CELF2: variants seen among roughly 807,000 people sequenced by gnomAD.
The protein encoded by CELF2 is CUGBP Elav-like family member 2, also known as CUG triplet repeat RNA-binding protein 2.
In CELF2, 8 loss-of-function variants were observed where a neutral mutation model predicts 62.6. The observed-to-expected ratio is 0.13, with a 90% CI of 0.07 to 0.23. The LOEUF is 0.23. Ranked by LOEUF, CELF2 falls within the 10% of genes least tolerant of loss-of-function variation. The pLI, the probability that CELF2 is intolerant of heterozygous loss-of-function variation, is 1.00. For synonymous variants in CELF2, 258 were observed against 250.0 expected, an observed-to-expected ratio of 1.03 and a Z score of -0.30; for missense variants, 333 against 671.0, an observed-to-expected ratio of 0.50 and a Z score of 5.56.
intron 2 of CELF2, chr10:10,960,154 C>G (rs1416351405): frequency 6.6e-6 from 1 of 152,248 alleles, no homozygotes; most frequent in Non-Finnish European, 1.5e-5. Context: ...CAACAGGCAT[C>G]CGCTCATTAC....
In CELF2 at chr10:11,329,279, A is replaced by G. The variant is rs1378180151; in HGVS notation, c.*226A>G. 3 of 346,220 alleles carry G rather than the reference A, an allele frequency of 8.7e-6. No homozygotes were observed. Among genetic ancestry groups the G allele is most frequent in the African/African-American group, 2.1e-5 (1 of 47,354 alleles). The allele number at this position is 346,220 out of a possible 1,614,324, so 21.4% of individuals were successfully genotyped here. A position where few individuals can be genotyped will look rare whatever the true frequency, so the allele number is the denominator to read the frequency against. ...GTTTCTATTGAGTAATTCCTCCTCC[A>G]GTTGTGCCACTGTATTCTCCTTTGT... On this transcript the variant is annotated 3_prime_UTR_variant, in exon 13 of 13. Transcript: ENST00000633077. This position sits in a 1 kb window ranked among gnomAD's most constrained non-coding sequence, Gnocchi z 5.5.
At chr10:10,837,227 T>C (rs1372935479) in intron 1 of CELF2, among the ~76,000 whole-genome samples, 1 of 152,208 alleles carries the variant, frequency 6.6e-6, no homozygotes, top group Non-Finnish European at 1.5e-5. Context: ...CATATTGTTC[T>C]GGAGGATTGT....
At chr10:11,202,742 C>T (rs535616367) in intron 2 of CELF2, among the ~76,000 whole-genome samples, 1 of 152,194 alleles carries the variant, frequency 6.6e-6, no homozygotes, top group East Asian at 1.9e-4. Context: ...CAGTGAGACC[C>T]TTAGTGGTGG....
At chr10:10,477,034 T>C in the CELF2 span, among the ~76,000 whole-genome samples, 4 of 152,204 alleles carry the variant, frequency 2.6e-5, no homozygotes, top group East Asian at 7.7e-4. Flanking sequence ...AAGATATTAT[T>C]TCTTTATTTC....
chr10:11,066,060 G>C (rs1056785071), intron 1 of CELF2, among the ~76,000 whole-genome samples: 3 of 152,118 alleles, frequency 2.0e-5, no homozygotes, highest in Admixed American at 6.5e-5. Context: ...TGCTGAGAGG[G>C]CGTAGGGAGG....
chr10:10,988,090 C>T (rs932769245), intron 2 of CELF2, among the ~76,000 whole-genome samples: 1 of 152,024 alleles, frequency 6.6e-6, no homozygotes, highest in Non-Finnish European at 1.5e-5. Flanking sequence ...CCATTCAATC[C>T]AGCAATCCCA....
the CELF2 span, among the ~76,000 whole-genome samples, chr10:10,791,449 A>T: frequency 6.6e-6 from 1 of 152,232 alleles, no homozygotes; most frequent in Non-Finnish European, 1.5e-5. Flanking sequence ...CATTCATGTA[A>T]TTACAAATGA....
the CELF2 span, among the ~76,000 whole-genome samples, chr10:10,565,682 G>A: frequency 4.6e-5 from 7 of 152,186 alleles, no homozygotes; most frequent in Non-Finnish European, 1.0e-4. Flanking sequence ...TAATTTCTCT[G>A]CAAGGAAGAA....
At chr10:11,219,256 A>T (rs911390154) in intron 3 of CELF2, among the ~76,000 whole-genome samples, 3 of 152,246 alleles carry the variant, frequency 2.0e-5, no homozygotes, top group Non-Finnish European at 4.4e-5. Flanking sequence ...GAATATGATG[A>T]ATGGGGCATG....
In CELF2 at chr10:11,314,050, C is replaced by A; in HGVS notation, c.977-89C>A. The A allele has an allele frequency of 7.6e-7, 1 of 1,318,762 alleles. No individual in the cohort carries two copies. Among genetic ancestry groups the A allele is most frequent in the Non-Finnish European group, 1.1e-6 (1 of 937,022 alleles). 81.7% of individuals were successfully genotyped at this position (1,318,762 alleles called of 1,614,324 possible). ...CACAAGCACAGCTCCTCAGCTCCGT[C>A]CACTGAGATGATGACAGAAGGATTT... is the stretch of plus-strand genomic sequence containing the variant. On this transcript the variant is annotated intron_variant, in intron 9 of 12. Transcript: ENST00000633077. The surrounding 1 kb of genome is among the most constrained non-coding windows in gnomAD (Gnocchi z 5.3).
In CELF2 at chr10:11,221,284, A is replaced by T. The variant is rs548920353; in HGVS notation, c.354+3777A>T. 3.3e-5 allele frequency among the ~76,000 whole-genome samples: 5 copies of T among 152,332 alleles called. No individual in the cohort carries two copies. The East Asian group carries it at 9.6e-4, about 29-fold the overall frequency. ...GAGGGTTTTATCTAGGCACAACCTAACTGGTAGTTTGTTCAGTAGAAATGT... is the reference window on the plus strand; with the variant it reads ...GAGGGTTTTATCTAGGCACAACCTATCTGGTAGTTTGTTCAGTAGAAATGT... On this transcript the variant is annotated intron_variant, in intron 3 of 12. Coordinates refer to ENST00000633077, the MANE Select transcript of CELF2 (RefSeq NM_001326342.2).
intron 2 of CELF2, among the ~76,000 whole-genome samples, chr10:11,172,620 G>C (rs1458755967): frequency 6.6e-6 from 1 of 152,202 alleles, no homozygotes; most frequent in African/African-American, 2.4e-5. Flanking sequence ...TCAAAGGGCA[G>C]CGTCTGCCCT....
intron 1 of CELF2, among the ~76,000 whole-genome samples, chr10:10,893,859 C>T (rs1054706947): frequency 6.6e-6 from 1 of 152,102 alleles, no homozygotes; most frequent in Non-Finnish European, 1.5e-5. Flanking sequence ...GAGAAACCTC[C>T]CCCCATGATC....
At chr10:11,210,953 A>G (rs2061640588) in intron 2 of CELF2, among the ~76,000 whole-genome samples, 1 of 152,214 alleles carries the variant, frequency 6.6e-6, no homozygotes, top group Admixed American at 6.5e-5. Context: ...TTAAAATCCC[A>G]ATTTTTAAAA....
the CELF2 span, among the ~76,000 whole-genome samples, chr10:10,481,317 G>T: frequency 1.3e-5 from 2 of 152,012 alleles, no homozygotes; most frequent in African/African-American, 2.4e-5. Flanking sequence ...TTCAAAATTT[G>T]TTCCATAACA....
At chr10:11,061,344 G>A (rs1396916730) in intron 1 of CELF2, among the ~76,000 whole-genome samples, 1 of 152,236 alleles carries the variant, frequency 6.6e-6, no homozygotes, top group African/African-American at 2.4e-5. Context: ...AAGGATGAGA[G>A]AGGTGAGGAA....
the CELF2 span, among the ~76,000 whole-genome samples, chr10:10,575,430 C>T: frequency 1.7e-4 from 26 of 152,320 alleles, no homozygotes; most frequent in East Asian, 3.1e-3. Context: ...ATTTATTCTC[C>T]TAGAAATGTA....
the CELF2 span, among the ~76,000 whole-genome samples, chr10:10,673,269 T>C: frequency 6.6e-6 from 1 of 152,174 alleles, no homozygotes; most frequent in African/African-American, 2.4e-5. Context: ...CTGTATGTAT[T>C]GTCTTTTCTT....
intron 2 of CELF2, among the ~76,000 whole-genome samples, chr10:10,967,893 G>A (rs1300849378): frequency 3.3e-5 from 5 of 151,674 alleles, no homozygotes; most frequent in African/African-American, 1.2e-4. Context: ...CAATGGGGAT[G>A]CTGTAATATG....
Sources: gnomAD v4.1 joint callset for allele counts (sites outside exome capture counted in the v4.1 genomes callset) on GRCh38, gnomAD v4.1.1 for gene constraint, Gnocchi (gnomAD v3.1) non-coding constraint, MANE v1.5 for transcripts, NCBI Gene and HGNC (gene_info 2026-07-23, HGNC 2026-07-21) for gene names.